Variants in DPYD observed in about 807,000 individuals in gnomAD.
DPYD encodes dihydropyrimidine dehydrogenase [NADP(+)].
A neutral mutation model predicts 116.2 loss-of-function variants in DPYD; 109 were observed. That is an observed-to-expected ratio of 0.94 (90% confidence interval 0.80 to 1.10). The LOEUF (loss-of-function observed/expected upper bound fraction) is 1.10, where lower values mean the gene tolerates loss of function less well. DPYD is among the 50% of genes least tolerant of loss of function. The pLI, the probability that DPYD is intolerant of heterozygous loss-of-function variation, is 0.00. For missense variants in DPYD, 1,302 were observed against 1,254.5 expected, an observed-to-expected ratio of 1.04 and a Z score of -0.57; for synonymous variants, 440 against 432.0, an observed-to-expected ratio of 1.02 and a Z score of -0.23.
chr1:97,864,065 T>C (rs1671251670), intron 2 of DPYD, among the ~76,000 whole-genome samples: 1 of 152,046 alleles, frequency 6.6e-6, no homozygotes, highest in African/African-American at 2.4e-5. Flanking sequence ...GCAATATTAA[T>C]ACAATATAAG....
At chr1:97,115,893 T>A (rs72724382) in intron 20 of DPYD, among the ~76,000 whole-genome samples, 31,858 of 152,072 alleles carry the variant, frequency 0.21, 4,325 homozygotes, top group Middle Eastern at 0.37. Flanking sequence ...AAGTAAGAAA[T>A]GCTCATTCAG....
At chr1:97,842,820 T>C (rs1467068852) in intron 2 of DPYD, among the ~76,000 whole-genome samples, 3 of 152,086 alleles carry the variant, frequency 2.0e-5, no homozygotes, top group Non-Finnish European at 2.9e-5. Context: ...TTAAAAGATC[T>C]CTAAAAAACA....
At chr1:97,289,343 C>G (rs1322133153) in intron 18 of DPYD, among the ~76,000 whole-genome samples, 2 of 152,226 alleles carry the variant, frequency 1.3e-5, no homozygotes, top group African/African-American at 4.8e-5. Flanking sequence ...GTTATGAGGC[C>G]AGCATCATCC....
At chr1:97,512,473 GTTTA>G (rs751061787) in intron 13 of DPYD, among the ~76,000 whole-genome samples, 1 of 151,742 alleles carries the variant, frequency 6.6e-6, no homozygotes, top group Non-Finnish European at 1.5e-5. Context: ...ATACTTCTTA[GTTTA>G]TTTATCTGTG....
intron 11 of DPYD, among the ~76,000 whole-genome samples, chr1:97,553,988 A>G (rs1447484002): frequency 6.6e-6 from 1 of 152,132 alleles, no homozygotes; most frequent in African/African-American, 2.4e-5. Context: ...TGTTCAAATG[A>G]GCTTATTTAA....
chr1:97,190,689 T>C (rs937251795), intron 20 of DPYD, among the ~76,000 whole-genome samples: 1 of 152,156 alleles, frequency 6.6e-6, no homozygotes, highest in Non-Finnish European at 1.5e-5. Context: ...ATAAGTAAGG[T>C]AAGCATAAGG....
intron 13 of DPYD, among the ~76,000 whole-genome samples, chr1:97,499,342 GAAAT>G (rs1026947993): frequency 1.3e-5 from 2 of 151,582 alleles, no homozygotes; most frequent in African/African-American, 4.8e-5. Context: ...CTACATTCTT[GAAAT>G]AAATATTTTT....
At chr1:97,572,660 TCTGA>T (rs1264622372) in intron 11 of DPYD, among the ~76,000 whole-genome samples, 15 of 151,994 alleles carry the variant, frequency 9.9e-5, no homozygotes, top group Admixed American at 2.6e-4. Flanking sequence ...TAAACTATAC[TCTGA>T]CTGTGTCTAC....
intron 22 of DPYD, among the ~76,000 whole-genome samples, chr1:97,080,676 G>A (rs1289255583): frequency 3.3e-5 from 5 of 152,012 alleles, no homozygotes; most frequent in African/African-American, 7.2e-5. Flanking sequence ...TTATATAAAT[G>A]GAAACTCAAT....
intron 12 of DPYD, among the ~76,000 whole-genome samples, chr1:97,541,697 T>C (rs1266760984): frequency 6.6e-6 from 1 of 152,182 alleles, no homozygotes; most frequent in East Asian, 1.9e-4. Flanking sequence ...TTTTTACAGT[T>C]TCCCATTTTA....
chr1:97,115,158 A>C (rs955256599), intron 20 of DPYD, among the ~76,000 whole-genome samples: 1 of 152,214 alleles, frequency 6.6e-6, no homozygotes, highest in Non-Finnish European at 1.5e-5. Flanking sequence ...ACAGAGGACA[A>C]TATGAGGAGG....
In DPYD at chr1:97,690,203, A is replaced by G. The variant is rs146251884; in HGVS notation, c.762+1514T>C. Among the ~76,000 whole-genome samples the G allele has an allele frequency of 3.0e-3, 452 of 152,180 alleles. 2 individuals carry two copies. The highest frequency in any genetic ancestry group is 4.1e-3 in the Non-Finnish European group (279 of 67,906). ...GCAGATTTTGAACAACGTTCTAGAT[A>G]TTAATAGACTTTGCCAAAGATATCT... On this transcript the variant is annotated intron_variant, in intron 7 of 22. Coordinates refer to ENST00000370192, the MANE Select transcript of DPYD (RefSeq NM_000110.4).
chr1:97,660,929 T>C (rs1659219090), intron 8 of DPYD, among the ~76,000 whole-genome samples: 2 of 152,136 alleles, frequency 1.3e-5, no homozygotes, highest in Admixed American at 6.6e-5. Flanking sequence ...CTCACTTCTT[T>C]ATCTTGCCAT....
At chr1:97,514,111 G>C in intron 13 of DPYD, 3 of 761,380 alleles carry the variant, frequency 3.9e-6, no homozygotes, top group Non-Finnish European at 4.8e-6. Context: ...TTTTGAACCA[G>C]CATCACACAC....
At chr1:97,860,588 C>G (rs1447028481) in intron 2 of DPYD, among the ~76,000 whole-genome samples, 1 of 152,072 alleles carries the variant, frequency 6.6e-6, no homozygotes, top group Non-Finnish European at 1.5e-5. Flanking sequence ...CTGGACAAAT[C>G]TTTAAGTTAA....
chr1:97,669,794 G>A (rs1659759213), intron 8 of DPYD, among the ~76,000 whole-genome samples: 1 of 152,090 alleles, frequency 6.6e-6, no homozygotes, highest in Admixed American at 6.6e-5. Context: ...GATTGTTCTA[G>A]AAAGAAATAT....
chr1:97,806,486 C>T (rs1668083791), intron 3 of DPYD, among the ~76,000 whole-genome samples: 1 of 151,806 alleles, frequency 6.6e-6, no homozygotes, highest in Admixed American at 6.6e-5. Context: ...AATATTTTGA[C>T]TATTTTTAAA....
At chr1:97,406,445 C>A (rs1673662776) in intron 14 of DPYD, among the ~76,000 whole-genome samples, 1 of 150,860 alleles carries the variant, frequency 6.6e-6, no homozygotes, top group South Asian at 2.1e-4. Context: ...GGTATATGTG[C>A]AGAATGTGCA....
At chr1:97,460,589 C>G (rs1000362836) in intron 13 of DPYD, among the ~76,000 whole-genome samples, 2 of 152,160 alleles carry the variant, frequency 1.3e-5, no homozygotes, top group South Asian at 2.1e-4. Context: ...CTTCTCCCAG[C>G]CCCCATCTCT....
Sources: gnomAD v4.1 joint callset for allele counts (sites outside exome capture counted in the v4.1 genomes callset) on GRCh38, gnomAD v4.1.1 for gene constraint, MANE v1.5 for transcripts, NCBI Gene and HGNC (gene_info 2026-07-23, HGNC 2026-07-21) for gene names.